The following RAB3IP variants were observed in gnomAD, a reference collection of about 807,000 sequenced individuals.
RAB3IP encodes rab-3A-interacting protein.
Under a neutral mutation model 59.1 loss-of-function variants are expected in RAB3IP, and 36 were observed. That is an observed-to-expected ratio of 0.61 (90% confidence interval 0.47 to 0.80). RAB3IP has a LOEUF of 0.80. Ranked by LOEUF, RAB3IP falls within the 30% of genes least tolerant of loss-of-function variation. RAB3IP has a pLI of 0.00. For synonymous variants in RAB3IP, 207 were observed against 191.2 expected (o/e 1.08, Z -0.68); for missense variants, 511 against 536.0 (o/e 0.95, Z 0.46).
intron 1 of RAB3IP, among the ~76,000 whole-genome samples, chr12:69,755,163 C>T (rs1235761532): frequency 6.6e-6 from 1 of 152,082 alleles, no homozygotes; most frequent in Non-Finnish European, 1.5e-5. Flanking sequence ...CTCACTGCAA[C>T]CTGCATTTGG....
At chr12:69,796,354 C>T (rs4322437) in intron 6 of RAB3IP, 77,086 of 230,120 alleles carry the variant, frequency 0.33, 13,521 homozygotes, top group Non-Finnish European at 0.37. Flanking sequence ...ACAAAGATAA[C>T]TGAAATAATA....
intron 3 of RAB3IP, among the ~76,000 whole-genome samples, chr12:69,769,201 C>T (rs1354319951): frequency 6.6e-6 from 1 of 152,154 alleles, no homozygotes; most frequent in African/African-American, 2.4e-5. Flanking sequence ...ATTGCCCAGT[C>T]TTGGGTATGT....
At chr12:69,810,126 C>G (rs1462862078) in intron 8 of RAB3IP, among the ~76,000 whole-genome samples, 1 of 152,210 alleles carries the variant, frequency 6.6e-6, no homozygotes, top group Non-Finnish European at 1.5e-5. Context: ...AGTCAGGACC[C>G]TCAGCTGCAG....
chr12:69,789,261 A>C (rs563168487), intron 4 of RAB3IP, among the ~76,000 whole-genome samples: 60 of 152,178 alleles, frequency 3.9e-4, no homozygotes, highest in African/African-American at 1.3e-3. Context: ...CCTTAGCTAG[A>C]CAAACCAAGA....
At chr12:69,811,376 G>A (rs114722985) in intron 8 of RAB3IP, among the ~76,000 whole-genome samples, 1,743 of 152,214 alleles carry the variant, frequency 0.011, 31 homozygotes, top group African/African-American at 0.037. Flanking sequence ...ACACCCTGCA[G>A]TTGTACTCCT....
intron 3 of RAB3IP, among the ~76,000 whole-genome samples, chr12:69,760,029 G>A (rs1444661874): frequency 7.2e-5 from 11 of 152,178 alleles, no homozygotes; most frequent in East Asian, 1.9e-4. Flanking sequence ...CAAGGCAGGC[G>A]GCTGGGAGGT....
intron 3 of RAB3IP, among the ~76,000 whole-genome samples, chr12:69,760,297 G>T (rs1168537510): frequency 6.6e-6 from 1 of 152,252 alleles, no homozygotes; most frequent in Non-Finnish European, 1.5e-5. Context: ...GGAGAATCAG[G>T]CAGGGAGGTT....
At chr12:69,804,770 T>A (rs1878976210) in intron 8 of RAB3IP, among the ~76,000 whole-genome samples, 1 of 151,956 alleles carries the variant, frequency 6.6e-6, no homozygotes, top group African/African-American at 2.4e-5. Context: ...CCCCATTGCT[T>A]GTTTTTGTCA....
chr12:69,803,767 C>T (rs890120788), intron 8 of RAB3IP, among the ~76,000 whole-genome samples: 22 of 151,918 alleles, frequency 1.4e-4, no homozygotes, highest in African/African-American at 3.1e-4. Context: ...TTTGTCCTTG[C>T]GATAGTTTGC....
intron 8 of RAB3IP, among the ~76,000 whole-genome samples, chr12:69,810,439 A>C (rs997557950): frequency 6.6e-6 from 1 of 152,302 alleles, no homozygotes; most frequent in Admixed American, 6.5e-5. Context: ...CTGGAAATGC[A>C]GAAATCACCC....
rs955668616 is a variant in RAB3IP at position 69,818,798 on chromosome 12, C to A, written c.*3352C>A. On this transcript the variant is annotated 3_prime_UTR_variant, in exon 11 of 11. Transcript: ENST00000247833. The stretch of plus-strand genomic sequence containing the variant: ...AAAACTTTTAAAAAGTAATAAAGTT[C>A]AAGATAGTGGTTACCTCTGGAGAGG... The A allele has an allele frequency of 6.6e-6, 1 of 152,130 alleles. No individual in the cohort carries two copies. The highest frequency in any genetic ancestry group is 2.4e-5 in the African/African-American group (1 of 41,430). 9.4% of individuals were successfully genotyped at this position (152,130 alleles called of 1,614,324 possible).
intron 6 of RAB3IP, 96 bp downstream of exon 6, chr12:69,795,440 GT>G (rs1877296117): frequency 1.0e-6 from 1 of 982,294 alleles, no homozygotes; most frequent in East Asian, 2.6e-5. Flanking sequence ...AAAATTTTTA[GT>G]ACAAAATAAT....
At chr12:69,809,575 A>T (rs1459734327) in intron 8 of RAB3IP, among the ~76,000 whole-genome samples, 1 of 152,080 alleles carries the variant, frequency 6.6e-6, no homozygotes, top group Non-Finnish European at 1.5e-5. Context: ...ATAGTCCCAT[A>T]TTTCTTGCAG....
At chr12:69,794,585 G>A in intron 5 of RAB3IP, 71 bp downstream of exon 5, 2 of 1,215,790 alleles carry the variant, frequency 1.6e-6, no homozygotes, top group Non-Finnish European at 2.3e-6. Context: ...CTTAACATCT[G>A]TTGGATTTTG....
rs1022861006 is a variant in RAB3IP at position 69,822,684 on chromosome 12, C to T, written c.*7238C>T. 2.6e-5 allele frequency: 4 copies of T among 152,012 alleles called. No individual in the cohort carries two copies. The highest frequency in any genetic ancestry group is 9.7e-5 in the African/African-American group (4 of 41,386). 9.4% of individuals were successfully genotyped at this position (152,012 alleles called of 1,614,324 possible). On this transcript the variant is annotated 3_prime_UTR_variant, in exon 11 of 11. Coordinates refer to ENST00000247833, the MANE Select transcript of RAB3IP (RefSeq NM_022456.5). The stretch of plus-strand genomic sequence containing the variant: ...TAAAGGAGTGGATTTGGAATGTTCT[C>T]AACACAAATGATAAATGTTTGAGGT...
chr12:69,782,966 TTTTC>T (rs1306754786), intron 3 of RAB3IP, among the ~76,000 whole-genome samples: 1 of 152,190 alleles, frequency 6.6e-6, no homozygotes, highest in Non-Finnish European at 1.5e-5. Context: ...GCTCACATTT[TTTTC>T]TTTGAGTAAC....
At chr12:69,757,563 A>G (rs1870426823) in intron 3 of RAB3IP, among the ~76,000 whole-genome samples, 1 of 152,218 alleles carries the variant, frequency 6.6e-6, no homozygotes, top group Non-Finnish European at 1.5e-5. Flanking sequence ...AAACCTGACA[A>G]CCTAGGTGAA....
intron 1 of RAB3IP, among the ~76,000 whole-genome samples, chr12:69,743,715 G>A (rs1174348788): frequency 1.3e-5 from 2 of 152,152 alleles, no homozygotes; most frequent in African/African-American, 4.8e-5. Flanking sequence ...CTGTTAAAAT[G>A]CTCAGGTTTT....
At chr12:69,770,280 C>T (rs934506011) in intron 3 of RAB3IP, among the ~76,000 whole-genome samples, 3 of 152,138 alleles carry the variant, frequency 2.0e-5, no homozygotes, top group African/African-American at 7.2e-5. Flanking sequence ...TTCCAGTCCT[C>T]CAAATCCGCC....
Sources: allele counts gnomAD v4.1 joint callset (sites outside exome capture counted in the v4.1 genomes callset), GRCh38; gene constraint gnomAD v4.1.1; transcripts MANE v1.5; gene names NCBI Gene and HGNC (gene_info 2026-07-23, HGNC 2026-07-21).